Variants in NFE2L3 observed in about 807,000 individuals in gnomAD.
NFE2L3 encodes the protein NFE2 like bZIP transcription factor 3.
A neutral mutation model predicts 23.5 loss-of-function variants in NFE2L3; 18 were observed. The observed-to-expected ratio is 0.77, with a 90% CI of 0.53 to 1.13. NFE2L3 has a LOEUF of 1.13. Among genes scored for constraint, NFE2L3 ranks in the 50% most tolerant of loss-of-function variants. The pLI is 0.00. For synonymous variants in NFE2L3, 424 were observed against 354.5 expected, an observed-to-expected ratio of 1.20 and a Z score of -2.20; for missense variants, 1,152 against 877.2, an observed-to-expected ratio of 1.31 and a Z score of -3.96.
intron 1 of NFE2L3, among the ~76,000 whole-genome samples, chr7:26,154,554 G>A (rs928732524): frequency 4.6e-5 from 7 of 151,996 alleles, no homozygotes; most frequent in East Asian, 1.9e-4. Context: ...CTGTTTTTTT[G>A]TTTGTTTTGT....
chr7:26,175,579 C>T (rs569922947), intron 1 of NFE2L3, among the ~76,000 whole-genome samples: 15 of 151,990 alleles, frequency 9.9e-5, no homozygotes, highest in Non-Finnish European at 1.9e-4. Context: ...AGATCGAGAC[C>T]ATCCTGGCTA....
intron 1 of NFE2L3, chr7:26,173,958 G>GT (rs1298636167): frequency 2.0e-4 from 30 of 152,286 alleles, no homozygotes; most frequent in Admixed American, 2.0e-3. Flanking sequence ...TTTTGATGTA[G>GT]TTTTTTATAT....
chr7:26,183,931 T>G lies in NFE2L3; in HGVS notation c.834+147T>G. The G allele has an allele frequency of 3.3e-6, 2 of 605,658 alleles. 1 individual carries two copies. The highest frequency in any genetic ancestry group is 4.2e-5 in the South Asian group (2 of 48,106). 37.5% of individuals were successfully genotyped at this position (605,658 alleles called of 1,614,324 possible). ...GCACTTCAGCTTAGAATTAACCAAA[T>G]ATGTATAGCATTCCTCTTTCCAAAT... On this transcript the variant is annotated intron_variant, in intron 3 of 3. Coordinates refer to ENST00000056233, the MANE Select transcript of NFE2L3 (RefSeq NM_004289.7).
chr7:26,154,774 C>G (rs980366122), intron 1 of NFE2L3, among the ~76,000 whole-genome samples: 2 of 152,204 alleles, frequency 1.3e-5, no homozygotes, highest in Non-Finnish European at 2.9e-5. Context: ...CTCCTTGGCT[C>G]AAGTACCCAT....
chr7:26,159,482 C>T (rs900388299), intron 1 of NFE2L3, among the ~76,000 whole-genome samples: 2 of 152,198 alleles, frequency 1.3e-5, no homozygotes, highest in Non-Finnish European at 2.9e-5. Flanking sequence ...TCTTGGCTTT[C>T]ACCTGAAATA....
At chr7:26,166,769 C>T (rs1784257642) in intron 1 of NFE2L3, among the ~76,000 whole-genome samples, 1 of 152,246 alleles carries the variant, frequency 6.6e-6, no homozygotes, top group African/African-American at 2.4e-5. Flanking sequence ...GCCCTGATGA[C>T]TCTAGCTTGC....
intron 1 of NFE2L3, among the ~76,000 whole-genome samples, chr7:26,161,335 C>CTTTTTTTTTTTTTTTTT (rs914055111): frequency 2.9e-5 from 2 of 69,576 alleles, no homozygotes; most frequent in South Asian, 6.0e-4. Flanking sequence ...GCTTCTCTCT[C>CTTTTTTTTTTTTTTTTT]TTTTTTTTTT....
At chr7:26,159,185 G>GCC (rs1253414053) in intron 1 of NFE2L3, among the ~76,000 whole-genome samples, 2 of 152,072 alleles carry the variant, frequency 1.3e-5, no homozygotes, top group Non-Finnish European at 2.9e-5. Context: ...CTCTTGCTGG[G>GCC]CCTCTCCATG....
intron 1 of NFE2L3, among the ~76,000 whole-genome samples, chr7:26,167,778 T>C (rs1459703030): frequency 6.6e-6 from 1 of 152,194 alleles, no homozygotes; most frequent in East Asian, 1.9e-4. Context: ...CTGGTTTTGC[T>C]TTCTCTTGAA....
intron 2 of NFE2L3, among the ~76,000 whole-genome samples, chr7:26,180,060 C>T (rs1410086971): frequency 2.0e-5 from 3 of 152,138 alleles, no homozygotes; most frequent in Non-Finnish European, 2.9e-5. Context: ...ATTTGCTGGC[C>T]GCCTAGCACC....
chr7:26,177,200 G>A (rs568080413), intron 1 of NFE2L3, among the ~76,000 whole-genome samples: 4 of 152,300 alleles, frequency 2.6e-5, no homozygotes, highest in East Asian at 3.9e-4. Context: ...ACAGGGTGGC[G>A]GCTGGGCAGA....
Position 26,152,992 on chromosome 7 carries a change from T to C in NFE2L3, c.494T>C (p.Leu165Ser). The change falls in exon 1 of 4, where the codon TTG (leucine) becomes TCG (serine). Residue 165 changes from leucine (L) to serine (S), a missense_variant. Leu to Ser is a moderately radical substitution (Grantham distance 145). Coordinates refer to ENST00000056233, the MANE Select transcript of NFE2L3 (RefSeq NM_004289.7). This position sits in a 1 kb window ranked among gnomAD's most constrained non-coding sequence, Gnocchi z 4.4. ...GDPRAARSGP[L>S]DAGEEEKAPA... is the part of the protein sequence containing the mutation. ...CCCCGAGCGGCTCGGAGTGGCCCCT[T>C]GGACGCCGGGGAAGAGGAGAAGGCA... 1 of 1,517,670 alleles carries C rather than the reference T, an allele frequency of 6.6e-7. No homozygotes were observed. The highest frequency in any genetic ancestry group is 8.8e-7 in the Non-Finnish European group (1 of 1,138,228). 94.0% of individuals were successfully genotyped at this position (1,517,670 alleles called of 1,614,324 possible).
At chr7:26,182,634 T>C (rs993551017) in intron 2 of NFE2L3, among the ~76,000 whole-genome samples, 9 of 149,304 alleles carry the variant, frequency 6.0e-5, no homozygotes, top group Non-Finnish European at 8.8e-5. Context: ...TCAAAATAAT[T>C]CCATGTAACA....
At chr7:26,161,316 A>C (rs543426287) in intron 1 of NFE2L3, among the ~76,000 whole-genome samples, 66 of 139,974 alleles carry the variant, frequency 4.7e-4, no homozygotes, top group African/African-American at 1.7e-3. Context: ...GGAAGAACTT[A>C]ATTTCTTAGC....
At chr7:26,165,684 G>A (rs944382595) in intron 1 of NFE2L3, among the ~76,000 whole-genome samples, 1 of 152,094 alleles carries the variant, frequency 6.6e-6, no homozygotes, top group African/African-American at 2.4e-5. Flanking sequence ...CCAACACTAT[G>A]TTGAATAGGA....
chr7:26,183,625 C>T, intron 2 of NFE2L3, 76 bp from the exon 3 acceptor site: 1 of 854,424 alleles, frequency 1.2e-6, no homozygotes, highest in South Asian at 1.4e-5. Flanking sequence ...CCTGGTGATC[C>T]TTTAAAGATA....
chr7:26,178,180 C>T lies in NFE2L3; in HGVS notation c.750+58C>T. On this transcript the variant is annotated intron_variant, in intron 2 of 3. Coordinates refer to ENST00000056233, the MANE Select transcript of NFE2L3 (RefSeq NM_004289.7). ...TTTGGTTTTAATGTAGATTTTGTGGCATTGACAGTTTGTGTCAAGAATGAG... is the reference window on the plus strand; with the variant it reads ...TTTGGTTTTAATGTAGATTTTGTGGTATTGACAGTTTGTGTCAAGAATGAG... 4 of 1,483,396 alleles carry T rather than the reference C, an allele frequency of 2.7e-6. 1 individual carries two copies. The highest frequency in any genetic ancestry group is 2.5e-5 in the South Asian group (2 of 78,658). The allele number at this position is 1,483,396 out of a possible 1,614,324, so 91.9% of individuals were successfully genotyped here. A position where few individuals can be genotyped will look rare whatever the true frequency, so the allele number is the denominator to read the frequency against.
intron 1 of NFE2L3, among the ~76,000 whole-genome samples, chr7:26,155,528 G>C (rs1269361673): frequency 1.3e-5 from 2 of 152,132 alleles, no homozygotes; most frequent in African/African-American, 4.8e-5. Context: ...CCAAAAGAGA[G>C]ACCAGAGCCT....
intron 2 of NFE2L3, among the ~76,000 whole-genome samples, chr7:26,180,199 ACT>A (rs1389034791): frequency 6.6e-6 from 1 of 152,134 alleles, no homozygotes; most frequent in African/African-American, 2.4e-5. Flanking sequence ...GAAAACACAC[ACT>A]GAGTTCTAAG....
Sources: allele counts gnomAD v4.1 joint callset (sites outside exome capture counted in the v4.1 genomes callset), GRCh38; gene constraint gnomAD v4.1.1; non-coding constraint Gnocchi (gnomAD v3.1); transcripts MANE v1.5; gene names NCBI Gene and HGNC (gene_info 2026-07-23, HGNC 2026-07-21).